Variants in XRCC4 observed in about 807,000 individuals in gnomAD.
The protein encoded by XRCC4 is X-ray repair cross complementing 4.
XRCC4 carries 28 observed loss-of-function variants against 39.1 expected under a neutral mutation model. The ratio of observed to expected loss-of-function variants is 0.72; its 90% CI spans 0.53 to 0.98. The LOEUF is 0.98. Ranked by LOEUF, XRCC4 falls within the 50% of genes least tolerant of loss-of-function variation. XRCC4 has a pLI of 0.00. For missense variants in XRCC4, 350 were observed against 376.4 expected (o/e 0.93, Z 0.58); for synonymous variants, 123 against 126.4 (o/e 0.97, Z 0.18).
At chr5:83,127,061 T>G (rs1267819013) in intron 3 of XRCC4, among the ~76,000 whole-genome samples, 5 of 152,158 alleles carry the variant, frequency 3.3e-5, no homozygotes, top group Non-Finnish European at 7.3e-5. Context: ...TCCTTGAGTC[T>G]CACCCATATC....
intron 7 of XRCC4, among the ~76,000 whole-genome samples, chr5:83,322,360 A>T (rs550452300): frequency 6.6e-5 from 10 of 152,146 alleles, no homozygotes; most frequent in African/African-American, 2.4e-4. Flanking sequence ...CCTCAATGAA[A>T]TTATTTATGT....
chr5:83,323,427 G>C (rs1756141541), intron 7 of XRCC4, among the ~76,000 whole-genome samples: 1 of 152,066 alleles, frequency 6.6e-6, no homozygotes, highest in Non-Finnish European at 1.5e-5. Flanking sequence ...GGATTTTAGA[G>C]AGGTTGTTAC....
intron 6 of XRCC4, among the ~76,000 whole-genome samples, chr5:83,257,551 G>A (rs1580433156): frequency 2.6e-5 from 4 of 152,164 alleles, no homozygotes; most frequent in Admixed American, 6.5e-5. Flanking sequence ...ATGCTGGAGT[G>A]GATGTGGAGA....
At chr5:83,250,091 A>G (rs899612043) in intron 6 of XRCC4, among the ~76,000 whole-genome samples, 1 of 152,134 alleles carries the variant, frequency 6.6e-6, no homozygotes. Flanking sequence ...ACAGAAGTGA[A>G]CCTATGAAAA....
chr5:83,117,352 A>G (rs1196358252), intron 3 of XRCC4, among the ~76,000 whole-genome samples: 4 of 152,130 alleles, frequency 2.6e-5, no homozygotes, highest in Non-Finnish European at 4.4e-5. Flanking sequence ...TACCTTTAAC[A>G]ATTTATCCTG....
intron 3 of XRCC4, among the ~76,000 whole-genome samples, chr5:83,182,362 G>T (rs1185727791): frequency 6.6e-6 from 1 of 152,048 alleles, no homozygotes; most frequent in African/African-American, 2.4e-5. Context: ...CCAACTCTTG[G>T]TGTATTAATT....
At chr5:83,291,503 A>G (rs1231323596) in intron 7 of XRCC4, among the ~76,000 whole-genome samples, 1 of 151,872 alleles carries the variant, frequency 6.6e-6, no homozygotes, top group South Asian at 2.1e-4. Context: ...CTTTTCTTAG[A>G]TCAAAATCTA....
intron 7 of XRCC4, among the ~76,000 whole-genome samples, chr5:83,266,021 C>T (rs1753941576): frequency 1.3e-5 from 2 of 151,844 alleles, no homozygotes; most frequent in African/African-American, 2.4e-5. Context: ...GGGGATTTAT[C>T]GTATGTTTCC....
chr5:83,201,053 G>T (rs922640495), intron 4 of XRCC4, among the ~76,000 whole-genome samples: 1 of 151,992 alleles, frequency 6.6e-6, no homozygotes, highest in East Asian at 1.9e-4. Flanking sequence ...GATATTATTT[G>T]CCACAGTTTT....
intron 7 of XRCC4, among the ~76,000 whole-genome samples, chr5:83,329,221 C>T (rs1215006713): frequency 1.3e-5 from 2 of 152,022 alleles, no homozygotes; most frequent in Non-Finnish European, 2.9e-5. Context: ...TTTTTAACGT[C>T]TTAAGAGAAC....
chr5:83,124,149 C>T (rs548281676), intron 3 of XRCC4, among the ~76,000 whole-genome samples: 17 of 152,114 alleles, frequency 1.1e-4, no homozygotes, highest in East Asian at 7.7e-4. Flanking sequence ...GTTGTTGTTT[C>T]GGCATATAGT....
In XRCC4 at chr5:83,156,305, T is replaced by C. The variant is rs183794710; in HGVS notation, c.316-39465T>C. ...AGTATTTTTTTTTTTTTTTGCTTTTTTGTTGGTACCCTGTTTAAATTCTAG... is the reference window on the plus strand; with the variant it reads ...AGTATTTTTTTTTTTTTTTGCTTTTCTGTTGGTACCCTGTTTAAATTCTAG... On this transcript the variant is annotated intron_variant, in intron 3 of 7. Coordinates refer to ENST00000396027, the MANE Select transcript of XRCC4 (RefSeq NM_003401.5). Among the ~76,000 whole-genome samples, 10 of 152,000 alleles carry C rather than the reference T, an allele frequency of 6.6e-5. No homozygotes were observed. The East Asian group carries it at 1.9e-3, about 29-fold the overall frequency.
At chr5:83,279,597 A>G (rs1275408911) in intron 7 of XRCC4, among the ~76,000 whole-genome samples, 1 of 152,230 alleles carries the variant, frequency 6.6e-6, no homozygotes, top group African/African-American at 2.4e-5. Flanking sequence ...GGTTGCTGTA[A>G]TATATACTGT....
chr5:83,181,726 C>T (rs796840635), intron 3 of XRCC4, among the ~76,000 whole-genome samples: 1 of 152,032 alleles, frequency 6.6e-6, no homozygotes, highest in African/African-American at 2.4e-5. Context: ...AAGAGGCTAC[C>T]ACACCAAAGC....
At chr5:83,229,095 A>G (rs1226807488) in intron 6 of XRCC4, among the ~76,000 whole-genome samples, 1 of 152,144 alleles carries the variant, frequency 6.6e-6, no homozygotes, top group East Asian at 1.9e-4. Context: ...TAAAATGAAC[A>G]GAAACAACTC....
Position 83,353,722 on chromosome 5 carries a change from A to T in XRCC4, c.*480A>T, listed in dbSNP as rs1307956981. Reference sequence around the variant, plus strand: ...ATATAATTTTAGTTTGTACATAAACATTGTGAAAATCTGATAATAAAATTT... The same window carrying T: ...ATATAATTTTAGTTTGTACATAAACTTTGTGAAAATCTGATAATAAAATTT... On this transcript the variant is annotated 3_prime_UTR_variant, in exon 8 of 8. Coordinates refer to ENST00000396027, the MANE Select transcript of XRCC4 (RefSeq NM_003401.5). 2.0e-5 allele frequency: 3 copies of T among 152,198 alleles called. No individual in the cohort carries two copies. Among genetic ancestry groups the T allele is most frequent in the African/African-American group, 7.2e-5 (3 of 41,456 alleles). 9.4% of individuals were successfully genotyped at this position (152,198 alleles called of 1,614,324 possible).
chr5:83,272,862 T>C (rs551829316), intron 7 of XRCC4, among the ~76,000 whole-genome samples: 6 of 152,370 alleles, frequency 3.9e-5, no homozygotes, highest in African/African-American at 1.4e-4. Flanking sequence ...GTCTTTGCTA[T>C]TGTAAATAGA....
chr5:83,236,313 T>C (rs2112832126), intron 6 of XRCC4, among the ~76,000 whole-genome samples: 1 of 152,226 alleles, frequency 6.6e-6, no homozygotes. Context: ...TTACTTCAAA[T>C]TATACTACAA....
chr5:83,307,653 G>A (rs1755535131), intron 7 of XRCC4, among the ~76,000 whole-genome samples: 1 of 152,172 alleles, frequency 6.6e-6, no homozygotes, highest in African/African-American at 2.4e-5. Context: ...CAGAATCCCT[G>A]ACAGAGAATG....
Sources: gnomAD v4.1 joint callset for allele counts (sites outside exome capture counted in the v4.1 genomes callset) on GRCh38, gnomAD v4.1.1 for gene constraint, MANE v1.5 for transcripts, NCBI Gene and HGNC (gene_info 2026-07-23, HGNC 2026-07-21) for gene names.